HPSE2: variants seen among roughly 807,000 people sequenced by gnomAD.
HPSE2 encodes heparanase 2 (inactive).
Under a neutral mutation model 60.5 loss-of-function variants are expected in HPSE2, and 38 were observed. The ratio of observed to expected loss-of-function variants is 0.63; its 90% CI spans 0.48 to 0.82. The LOEUF is 0.82. HPSE2 is among the 40% of genes least tolerant of loss of function. HPSE2 has a pLI of 0.00. For synonymous variants in HPSE2, 295 were observed against 293.2 expected (o/e 1.01, Z -0.06); for missense variants, 713 against 740.4 (o/e 0.96, Z 0.43).
intron 3 of HPSE2, among the ~76,000 whole-genome samples, chr10:98,997,390 A>G (rs566555561): frequency 6.6e-6 from 1 of 152,136 alleles, no homozygotes; most frequent in Non-Finnish European, 1.5e-5. Context: ...TGCTGGGATT[A>G]CAGGCTTCAG....
chr10:98,650,517 T>C (rs1946887422), intron 6 of HPSE2, among the ~76,000 whole-genome samples: 1 of 152,246 alleles, frequency 6.6e-6, no homozygotes, highest in Admixed American at 6.5e-5. Context: ...AAGATTAGCC[T>C]GGAGAACTTA....
At position 99,013,473 on chromosome 10, in the gene HPSE2, G is replaced by T. The variant is rs73337597; in HGVS notation, c.610+130765C>A. 759 of 418,726 alleles carry T rather than the reference G, an allele frequency of 1.8e-3. 9 individuals are homozygous for T. The highest frequency in any genetic ancestry group is 0.014 in the African/African-American group (642 of 46,082). The allele number at this position is 418,726 out of a possible 1,614,324, so 25.9% of individuals were successfully genotyped here. Reference sequence around the variant, plus strand: ...AGGAAATGTATATTATTATGATTATGATTATTATTATTATTTGAGATACAG... The same window carrying T: ...AGGAAATGTATATTATTATGATTATTATTATTATTATTATTTGAGATACAG... On this transcript the variant is annotated intron_variant, in intron 3 of 11. Coordinates refer to ENST00000370552, the MANE Select transcript of HPSE2 (RefSeq NM_021828.5).
upstream of HPSE2, among the ~76,000 whole-genome samples, chr10:99,240,637 C>T (rs886255714): frequency 6.6e-6 from 1 of 152,082 alleles, no homozygotes; most frequent in African/African-American, 2.4e-5. Context: ...TGGTCTTGAC[C>T]TCCTGACCTC....
chr10:98,576,256 G>A (rs1944636830), intron 9 of HPSE2, among the ~76,000 whole-genome samples: 1 of 152,044 alleles, frequency 6.6e-6, no homozygotes, highest in Non-Finnish European at 1.5e-5. Flanking sequence ...CATATGAGAA[G>A]GCGGATTACA....
intron 3 of HPSE2, among the ~76,000 whole-genome samples, chr10:98,819,508 C>T (rs78442505): frequency 0.03 from 4,557 of 150,046 alleles, 81 homozygotes; most frequent in Middle Eastern, 0.052. Flanking sequence ...GTGGCCATTA[C>T]CTTTTCCCAT....
chr10:98,477,851 G>C (rs1413788347), intron 11 of HPSE2, among the ~76,000 whole-genome samples: 1 of 151,320 alleles, frequency 6.6e-6, no homozygotes, highest in Non-Finnish European at 1.5e-5. Flanking sequence ...TCCACCTCCT[G>C]TCAGACCAGC....
At chr10:98,846,414 TA>T (rs1952036023) in intron 3 of HPSE2, among the ~76,000 whole-genome samples, 1 of 152,118 alleles carries the variant, frequency 6.6e-6, no homozygotes. Context: ...AAAAAGAACT[TA>T]AAAAATACAG....
At chr10:99,158,866 A>T (rs1463598860) in intron 2 of HPSE2, among the ~76,000 whole-genome samples, 1 of 152,194 alleles carries the variant, frequency 6.6e-6, no homozygotes, top group Non-Finnish European at 1.5e-5. Context: ...AGTTAACAAA[A>T]GAAATATAGA....
chr10:98,564,423 A>G (rs1243258138), intron 9 of HPSE2, among the ~76,000 whole-genome samples: 1 of 152,226 alleles, frequency 6.6e-6, no homozygotes, highest in Non-Finnish European at 1.5e-5. Flanking sequence ...CACATTGTTA[A>G]CTATTGTTGC....
At chr10:98,481,316 T>A (rs966438462) in intron 11 of HPSE2, among the ~76,000 whole-genome samples, 2 of 152,108 alleles carry the variant, frequency 1.3e-5, no homozygotes, top group African/African-American at 2.4e-5. Context: ...ACCCTTGAAA[T>A]CTGAAGATTA....
intron 8 of HPSE2, among the ~76,000 whole-genome samples, chr10:98,617,893 A>T (rs1232566452): frequency 1.3e-5 from 2 of 152,204 alleles, no homozygotes; most frequent in Non-Finnish European, 2.9e-5. Context: ...GGTAGCAGAG[A>T]ATCCCAATTT....
At chr10:99,276,944 G>A in the HPSE2 span, among the ~76,000 whole-genome samples, 6 of 152,232 alleles carry the variant, frequency 3.9e-5, no homozygotes, top group East Asian at 1.2e-3. Context: ...TTATACTTCT[G>A]TCACCCGCTT....
At chr10:98,486,939 G>A (rs1941461890) in intron 10 of HPSE2, among the ~76,000 whole-genome samples, 1 of 152,104 alleles carries the variant, frequency 6.6e-6, no homozygotes, top group Non-Finnish European at 1.5e-5. Context: ...GCCATTTGAT[G>A]TCCAAGAAGC....
At chr10:98,923,065 C>A (rs1293404042) in intron 3 of HPSE2, among the ~76,000 whole-genome samples, 1 of 152,230 alleles carries the variant, frequency 6.6e-6, no homozygotes, top group South Asian at 2.1e-4. Flanking sequence ...CTCTCTCTAG[C>A]CTTTCTTATA....
At chr10:98,984,740 T>G (rs1956295509) in intron 3 of HPSE2, among the ~76,000 whole-genome samples, 1 of 152,050 alleles carries the variant, frequency 6.6e-6, no homozygotes, top group African/African-American at 2.4e-5. Context: ...GTTAGAACCT[T>G]GAAAAAAGAT....
chr10:99,272,578 GA>G, the HPSE2 span, among the ~76,000 whole-genome samples: 130 of 146,686 alleles, frequency 8.9e-4, no homozygotes, highest in African/African-American at 8.0e-4. Flanking sequence ...CAAATTGCAA[GA>G]AAAAAAAAAT....
the HPSE2 span, among the ~76,000 whole-genome samples, chr10:99,315,667 T>G: frequency 6.6e-6 from 1 of 152,172 alleles, no homozygotes; most frequent in Non-Finnish European, 1.5e-5. Context: ...TCTATGGCGA[T>G]TTTATATCAA....
At chr10:98,801,895 G>A (rs527273072) in intron 3 of HPSE2, among the ~76,000 whole-genome samples, 2 of 152,086 alleles carry the variant, frequency 1.3e-5, no homozygotes, top group Admixed American at 6.6e-5. Context: ...CCTACCCTGG[G>A]CAAAAAGAAC....
intron 3 of HPSE2, among the ~76,000 whole-genome samples, chr10:98,974,336 TGTTTG>T (rs1403700761): frequency 4.4e-5 from 2 of 45,782 alleles, no homozygotes; most frequent in Non-Finnish European, 1.8e-4. Context: ...AAAGTTTTTT[TGTTTG>T]TTTGTTTGTT....
Sources: gnomAD v4.1 joint callset for allele counts (sites outside exome capture counted in the v4.1 genomes callset) on GRCh38, gnomAD v4.1.1 for gene constraint, MANE v1.5 for transcripts, NCBI Gene and HGNC (gene_info 2026-07-23, HGNC 2026-07-21) for gene names.